The following GOLPH3L variants were observed in gnomAD, a reference collection of about 807,000 sequenced individuals.
GOLPH3L encodes Golgi phosphoprotein 3-like.
GOLPH3L carries 22 observed loss-of-function variants against 30.3 expected under a neutral mutation model. That is an observed-to-expected ratio of 0.73 (90% CI 0.52 to 1.04). GOLPH3L has a LOEUF of 1.04. GOLPH3L is among the 50% of genes least tolerant of loss of function. GOLPH3L has a pLI of 0.00. For missense variants in GOLPH3L, 303 were observed against 345.8 expected (o/e 0.88, Z 0.98); for synonymous variants, 120 against 128.2 (o/e 0.94, Z 0.43).
chr1:150,678,141 AAT>A (rs1421025048), intron 2 of GOLPH3L, among the ~76,000 whole-genome samples: 1 of 151,628 alleles, frequency 6.6e-6, no homozygotes, highest in Non-Finnish European at 1.5e-5. Context: ...CTCTACTAAA[AAT>A]ACAAAATTAG....
intron 2 of GOLPH3L, among the ~76,000 whole-genome samples, chr1:150,679,400 T>G (rs1650893386): frequency 6.6e-6 from 1 of 152,252 alleles, no homozygotes; most frequent in Admixed American, 6.5e-5. Flanking sequence ...GGCAGACATT[T>G]AAGTTCCTCA....
At position 150,661,829 on chromosome 1, in the gene GOLPH3L, T is replaced by C. The variant is rs1571038606; in HGVS notation, c.415A>G (p.Ile139Val). 1 of 1,467,304 alleles carries C rather than the reference T, an allele frequency of 6.8e-7. No homozygotes were observed. Among genetic ancestry groups the C allele is most frequent in the Non-Finnish European group, 9.6e-7 (1 of 1,045,702 alleles). 90.9% of individuals were successfully genotyped at this position (1,467,304 alleles called of 1,614,324 possible). A position where few individuals can be genotyped will look rare whatever the true frequency, so the allele number is the denominator to read the frequency against. The stretch of plus-strand genomic sequence containing the variant: ...GTCATCTTACCAGTGAGTAGCTCTA[T>C]CCATGTTTGGACAGTTTCTGTGGGT... Reference protein sequence around the residue: ...TEPTETVQTWIELLTGETWNP... With the variant: ...TEPTETVQTWVELLTGETWNP... Residue 139 changes from isoleucine (I) to valine (V), a missense_variant, in exon 4 of 5, where the codon ATA becomes GTA. Transcript: ENST00000271732.
intron 4 of GOLPH3L, among the ~76,000 whole-genome samples, chr1:150,651,642 C>CAAAAAAAAAAAAAAAAAA: frequency 1.6e-5 from 1 of 60,852 alleles, no homozygotes; most frequent in Non-Finnish European, 3.0e-5. Flanking sequence ...GAGCGAAACT[C>CAAAAAAAAAAAAAAAAAA]AAAAAAAAAA....
intron 3 of GOLPH3L, 60 bp from the exon 4 acceptor site, chr1:150,661,988 T>A: frequency 1.2e-6 from 1 of 807,000 alleles, no homozygotes. Context: ...GTTAAAATCT[T>A]TCAATATATC....
At chr1:150,649,786 G>C (rs1172969921) in intron 4 of GOLPH3L, among the ~76,000 whole-genome samples, 4 of 152,066 alleles carry the variant, frequency 2.6e-5, no homozygotes, top group Admixed American at 6.6e-5. Flanking sequence ...AACACTGGCT[G>C]AACAATAAGC....
intron 4 of GOLPH3L, among the ~76,000 whole-genome samples, chr1:150,651,307 C>T (rs961019097): frequency 2.6e-5 from 4 of 151,370 alleles, no homozygotes; most frequent in African/African-American, 9.7e-5. Flanking sequence ...AGCAAGACTC[C>T]ATCTCAAAAA....
chr1:150,670,835 C>G (rs1291227502), intron 2 of GOLPH3L, among the ~76,000 whole-genome samples: 1 of 152,194 alleles, frequency 6.6e-6, no homozygotes, highest in Non-Finnish European at 1.5e-5. Flanking sequence ...AAATATACTT[C>G]TTCATCCCTT....
At chr1:150,683,460 C>A (rs192266439) in intron 2 of GOLPH3L, among the ~76,000 whole-genome samples, 1 of 142,160 alleles carries the variant, frequency 7.0e-6, no homozygotes, top group South Asian at 2.2e-4. Flanking sequence ...GGCGTGAACC[C>A]GGGAGGCGGA....
intron 2 of GOLPH3L, among the ~76,000 whole-genome samples, chr1:150,676,703 G>A (rs769297088): frequency 2.7e-5 from 4 of 150,372 alleles, no homozygotes; most frequent in Non-Finnish European, 4.4e-5. Flanking sequence ...GAGTGCAATG[G>A]CTCGATCTTG....
chr1:150,647,601 T>G lies in GOLPH3L; in HGVS notation c.*720A>C, dbSNP rs918046577. ...CTTCCTTACAAATTCTAATGCTGAT[T>G]GCATGAACGAGGTGTTGAGAGAGAC... On this transcript the variant is annotated 3_prime_UTR_variant, in exon 5 of 5. Coordinates refer to ENST00000271732, the MANE Select transcript of GOLPH3L (RefSeq NM_018178.6). 1 of 152,664 alleles carries G rather than the reference T, an allele frequency of 6.6e-6. No individual in the cohort carries two copies. The highest frequency in any genetic ancestry group is 2.4e-5 in the African/African-American group (1 of 41,450). The allele number at this position is 152,664 out of a possible 1,614,324, so 9.5% of individuals were successfully genotyped here. A position where few individuals can be genotyped will look rare whatever the true frequency, so the allele number is the denominator to read the frequency against.
intron 2 of GOLPH3L, among the ~76,000 whole-genome samples, chr1:150,687,515 C>T (rs587684426): frequency 6.6e-6 from 1 of 151,536 alleles, no homozygotes; most frequent in African/African-American, 2.4e-5. Flanking sequence ...GCAGAGGTTG[C>T]GGTGAGCCAA....
intron 4 of GOLPH3L, among the ~76,000 whole-genome samples, chr1:150,652,487 GAA>G (rs996462483): frequency 1.3e-4 from 20 of 149,942 alleles, no homozygotes; most frequent in African/African-American, 4.9e-4. Context: ...TCCTAGATCT[GAA>G]AGAGTTCACT....
chr1:150,669,250 G>A (rs962622462), intron 2 of GOLPH3L, among the ~76,000 whole-genome samples: 15 of 152,096 alleles, frequency 9.9e-5, no homozygotes, highest in African/African-American at 3.4e-4. Context: ...GATAGTAAAT[G>A]TTCCCCTGTA....
intron 2 of GOLPH3L, among the ~76,000 whole-genome samples, chr1:150,672,402 C>T (rs1405919975): frequency 6.6e-6 from 1 of 152,178 alleles, no homozygotes; most frequent in South Asian, 2.1e-4. Context: ...CCTATTTCTA[C>T]ATCCACACAG....
chr1:150,672,746 A>G (rs1355239615), intron 2 of GOLPH3L, among the ~76,000 whole-genome samples: 1 of 152,106 alleles, frequency 6.6e-6, no homozygotes, highest in African/African-American at 2.4e-5. Flanking sequence ...ATTTTATAAA[A>G]TAGATCAAGC....
chr1:150,679,785 G>C (rs1218058501), intron 2 of GOLPH3L, among the ~76,000 whole-genome samples: 1 of 152,138 alleles, frequency 6.6e-6, no homozygotes, highest in African/African-American at 2.4e-5. Flanking sequence ...GGACGACAGA[G>C]TGGAGACTGT....
chr1:150,676,707 G>C (rs1161625623), intron 2 of GOLPH3L, among the ~76,000 whole-genome samples: 1 of 147,926 alleles, frequency 6.8e-6, no homozygotes, highest in African/African-American at 2.5e-5. Context: ...GCAATGGCTC[G>C]ATCTTGGCTC....
intron 4 of GOLPH3L, among the ~76,000 whole-genome samples, chr1:150,659,109 T>C (rs1174596117): frequency 6.6e-6 from 1 of 152,238 alleles, no homozygotes; most frequent in Non-Finnish European, 1.5e-5. Context: ...GTGTTATTAA[T>C]CTGTGTTGTT....
At position 150,694,735 on chromosome 1, in the gene GOLPH3L, T is replaced by C. The variant is rs1229796598; in HGVS notation, c.104A>G (p.Asn35Ser). 1.2e-6 allele frequency: 2 copies of C among 1,606,674 alleles called. No individual in the cohort carries two copies. Among genetic ancestry groups the C allele is most frequent in the East Asian group, 2.2e-5 (1 of 44,842 alleles). ...ATCCTTAGAGTCTCCAGAATCTTCA[T>C]TGTCTGGACTTTTCTCCCAATTACT... ...EDSNWEKSPD[N>S]EDSGDSKDIR... is the part of the protein sequence containing the mutation. The change falls in exon 2 of 5, where the codon AAT (asparagine) becomes AGT (serine). Residue 35 changes from asparagine to serine, a missense_variant. By Grantham distance (46) the Asn-to-Ser change is conservative (BLOSUM62 1). Transcript: ENST00000271732.
Sources: gnomAD v4.1 joint callset for allele counts (sites outside exome capture counted in the v4.1 genomes callset) on GRCh38, gnomAD v4.1.1 for gene constraint, MANE v1.5 for transcripts, NCBI Gene and HGNC (gene_info 2026-07-23, HGNC 2026-07-21) for gene names.